Variants in SYNPR observed in about 807,000 individuals in gnomAD.
SYNPR encodes synaptoporin.
Under a neutral mutation model 32.9 loss-of-function variants are expected in SYNPR, and 23 were observed. The ratio of observed to expected loss-of-function variants is 0.70; its 90% CI spans 0.50 to 0.99. The LOEUF (loss-of-function observed/expected upper bound fraction) is 0.99. Ranked by LOEUF, SYNPR falls within the 50% of genes least tolerant of loss-of-function variation. The pLI is 0.00. For synonymous variants in SYNPR, 146 were observed against 135.9 expected (o/e 1.07, Z -0.52); for missense variants, 318 against 349.3 (o/e 0.91, Z 0.71).
intron 2 of SYNPR, among the ~76,000 whole-genome samples, chr3:63,454,074 G>T (rs762825452): frequency 6.6e-6 from 1 of 152,004 alleles, no homozygotes; most frequent in African/African-American, 2.4e-5. Flanking sequence ...TTTATTAATA[G>T]TCTACTAAGT....
chr3:63,549,270 A>G (rs1357244535), intron 3 of SYNPR, among the ~76,000 whole-genome samples: 1 of 152,230 alleles, frequency 6.6e-6, no homozygotes, highest in African/African-American at 2.4e-5. Flanking sequence ...TTAGAATCCT[A>G]TTCAGTACAG....
At chr3:63,537,442 A>C (rs1702230143) in intron 3 of SYNPR, among the ~76,000 whole-genome samples, 1 of 152,106 alleles carries the variant, frequency 6.6e-6, no homozygotes, top group African/African-American at 2.4e-5. Context: ...AACCATACAG[A>C]CATCTTTATT....
chr3:63,532,068 T>C (rs879841973), intron 3 of SYNPR, among the ~76,000 whole-genome samples: 1 of 152,230 alleles, frequency 6.6e-6, no homozygotes, highest in Non-Finnish European at 1.5e-5. Context: ...GCAGTGGCCT[T>C]CCATTCTTTC....
At chr3:63,376,795 C>A (rs1272741642) in intron 2 of SYNPR, among the ~76,000 whole-genome samples, 1 of 152,082 alleles carries the variant, frequency 6.6e-6, no homozygotes, top group African/African-American at 2.4e-5. Flanking sequence ...TTGTTTGATT[C>A]ATGACACTAG....
At chr3:63,535,788 A>G (rs1002458959) in intron 3 of SYNPR, among the ~76,000 whole-genome samples, 5 of 152,098 alleles carry the variant, frequency 3.3e-5, no homozygotes, top group Admixed American at 1.3e-4. Context: ...AAATTAACTC[A>G]TAATGGAACA....
intron 3 of SYNPR, among the ~76,000 whole-genome samples, chr3:63,517,297 G>A (rs1189557882): frequency 6.6e-6 from 1 of 152,102 alleles, no homozygotes; most frequent in African/African-American, 2.4e-5. Flanking sequence ...TAATGCTTGA[G>A]ATTCATTGTG....
chr3:63,310,865 C>T (rs369622849), intron 2 of SYNPR, among the ~76,000 whole-genome samples: 6 of 151,972 alleles, frequency 3.9e-5, no homozygotes, highest in South Asian at 2.1e-4. Context: ...CATGCTCAGA[C>T]CCTAAGAGTA....
intron 3 of SYNPR, among the ~76,000 whole-genome samples, chr3:63,512,530 G>A (rs1371909103): frequency 1.3e-5 from 2 of 152,086 alleles, no homozygotes; most frequent in Non-Finnish European, 2.9e-5. Context: ...TAATCACAAA[G>A]GTCCTTAAAA....
intron 2 of SYNPR, among the ~76,000 whole-genome samples, chr3:63,265,030 A>G (rs1308146649): frequency 1.3e-5 from 2 of 152,064 alleles, no homozygotes; most frequent in African/African-American, 4.8e-5. Flanking sequence ...GAACCATATC[A>G]CTCAGTTCTA....
intron 2 of SYNPR, among the ~76,000 whole-genome samples, chr3:63,279,214 A>G (rs1008563264): frequency 8.5e-5 from 13 of 152,164 alleles, no homozygotes; most frequent in African/African-American, 2.9e-4. Flanking sequence ...CGGGACTGGG[A>G]TGCTGGAAGC....
rs532492854 is a variant in SYNPR at position 63,278,706 on chromosome 3, G to A, written c.48G>A (p.Leu16=). ...CCTCTGCGGGCACCTTCCGGGTGCT[G>A]AAGGAGCCCCTTGCCTTCCTGCGAG... ...QLASAGTFRV[L]KEPLAFLRAL... Residue 16 remains leucine, a synonymous_variant, in exon 2 of 6, where the codon CTG becomes CTA. Transcript: ENST00000478300. 13 of 1,551,712 alleles carry A rather than the reference G, an allele frequency of 8.4e-6. No homozygotes were observed. The highest frequency in any genetic ancestry group is 2.7e-5 in the African/African-American group (2 of 73,180).
At chr3:63,506,864 A>G (rs1006534150) in intron 3 of SYNPR, among the ~76,000 whole-genome samples, 10 of 152,190 alleles carry the variant, frequency 6.6e-5, no homozygotes, top group Non-Finnish European at 1.5e-4. Flanking sequence ...GGGCTATGAG[A>G]ACCTTGGCTT....
At chr3:63,444,292 G>C (rs1269009739) in intron 2 of SYNPR, 1 of 152,180 alleles carries the variant, frequency 6.6e-6, no homozygotes, top group Non-Finnish European at 1.5e-5. Flanking sequence ...CGTTCTTTTT[G>C]TTCGAGAGTA....
chr3:63,399,300 A>G (rs1188117713), intron 2 of SYNPR, among the ~76,000 whole-genome samples: 1 of 152,222 alleles, frequency 6.6e-6, no homozygotes, highest in Non-Finnish European at 1.5e-5. Flanking sequence ...AGACAGAGAT[A>G]TTCTCTCATG....
At chr3:63,256,229 C>T (rs142526153) in intron 2 of SYNPR, among the ~76,000 whole-genome samples, 1 of 152,188 alleles carries the variant, frequency 6.6e-6, no homozygotes, top group South Asian at 2.1e-4. Context: ...CAGTGGTTCT[C>T]CCAGCACGCA....
intron 4 of SYNPR, among the ~76,000 whole-genome samples, chr3:63,601,221 C>G (rs1348635817): frequency 1.3e-5 from 2 of 150,326 alleles, no homozygotes; most frequent in African/African-American, 4.9e-5. Flanking sequence ...TGTGGTGAGC[C>G]GAGATCGTGC....
At chr3:63,340,193 G>C (rs1236709282) in intron 2 of SYNPR, among the ~76,000 whole-genome samples, 1 of 151,964 alleles carries the variant, frequency 6.6e-6, no homozygotes, top group African/African-American at 2.4e-5. Flanking sequence ...ATGGTGTATA[G>C]TTTGTTAACC....
chr3:63,496,518 G>A (rs1015302895), intron 3 of SYNPR, among the ~76,000 whole-genome samples: 3 of 152,096 alleles, frequency 2.0e-5, no homozygotes, highest in Non-Finnish European at 4.4e-5. Flanking sequence ...TGTCAGGTAA[G>A]TCCCTGGGCC....
chr3:63,307,759 G>A (rs1022923309), intron 2 of SYNPR, among the ~76,000 whole-genome samples: 1 of 152,022 alleles, frequency 6.6e-6, no homozygotes, highest in Non-Finnish European at 1.5e-5. Context: ...TTTCGTAAAA[G>A]AGGTCACACA....
Sources: gnomAD v4.1 joint callset for allele counts (sites outside exome capture counted in the v4.1 genomes callset) on GRCh38, gnomAD v4.1.1 for gene constraint, MANE v1.5 for transcripts, NCBI Gene and HGNC (gene_info 2026-07-23, HGNC 2026-07-21) for gene names.